The following ARID1B variants were observed in gnomAD, a reference collection of about 807,000 sequenced individuals.
ARID1B encodes AT-rich interactive domain-containing protein 1B.
Under a neutral mutation model 212.3 loss-of-function variants are expected in ARID1B, and 30 were observed. That is an observed-to-expected ratio of 0.14 (90% CI 0.11 to 0.19). ARID1B has a LOEUF of 0.19. Among genes scored for constraint, ARID1B ranks in the 10% least tolerant of loss-of-function variants. The pLI, the probability that ARID1B is intolerant of heterozygous loss-of-function variation, is 1.00. For missense variants in ARID1B, 2,891 were observed against 3,204.0 expected, an observed-to-expected ratio of 0.90 and a Z score of 2.36; for synonymous variants, 1,402 against 1,301.7, an observed-to-expected ratio of 1.08 and a Z score of -1.66.
chr6:156,814,952 A>G (rs565869049), intron 1 of ARID1B, among the ~76,000 whole-genome samples: 20 of 152,312 alleles, frequency 1.3e-4, no homozygotes, highest in East Asian at 3.9e-4. Context: ...TCAATTATCA[A>G]TAGACTATTA....
intron 9 of ARID1B, chr6:157,170,120 G>A (rs990402744): frequency 6.6e-6 from 1 of 152,166 alleles, no homozygotes; most frequent in Non-Finnish European, 1.5e-5. Flanking sequence ...GTGGGTCCAG[G>A]AATCCGCATC....
intron 4 of ARID1B, among the ~76,000 whole-genome samples, chr6:157,059,536 C>A (rs1409658729): frequency 1.3e-5 from 2 of 152,096 alleles, no homozygotes; most frequent in African/African-American, 4.8e-5. Flanking sequence ...TTATATTTTA[C>A]CAAAAGGTTT....
chr6:156,867,984 C>T (rs1196501254), intron 2 of ARID1B, among the ~76,000 whole-genome samples: 1 of 152,130 alleles, frequency 6.6e-6, no homozygotes, highest in Non-Finnish European at 1.5e-5. Flanking sequence ...TCCAAACTGT[C>T]CCAGTGCCTT....
intron 4 of ARID1B, among the ~76,000 whole-genome samples, chr6:157,020,136 C>T (rs1780133961): frequency 6.6e-6 from 1 of 152,128 alleles, no homozygotes; most frequent in South Asian, 2.1e-4. Context: ...ATAGACATAA[C>T]AAGCAAATTT....
At chr6:157,104,984 G>A (rs1211794998) in intron 5 of ARID1B, among the ~76,000 whole-genome samples, 1 of 152,228 alleles carries the variant, frequency 6.6e-6, no homozygotes, top group African/African-American at 2.4e-5. Context: ...TACTGGAACT[G>A]AAAATAGTGT....
At chr6:156,816,825 G>C (rs1450274963) in intron 1 of ARID1B, among the ~76,000 whole-genome samples, 1 of 152,144 alleles carries the variant, frequency 6.6e-6, no homozygotes, top group Non-Finnish European at 1.5e-5. Context: ...AACCTTGTTT[G>C]TTTGAATTTG....
chr6:157,179,450 G>A (rs983175809), intron 11 of ARID1B, among the ~76,000 whole-genome samples: 1 of 151,968 alleles, frequency 6.6e-6, no homozygotes, highest in Non-Finnish European at 1.5e-5. Context: ...TATTCTAAGT[G>A]TACATATGGG....
intron 1 of ARID1B, among the ~76,000 whole-genome samples, chr6:156,827,352 A>G (rs1274281562): frequency 1.3e-5 from 2 of 152,202 alleles, no homozygotes; most frequent in African/African-American, 4.8e-5. Flanking sequence ...TTGGTCTCCA[A>G]ATCCTGCCGC....
chr6:156,868,738 A>G (rs535430812), intron 2 of ARID1B, among the ~76,000 whole-genome samples: 4 of 152,368 alleles, frequency 2.6e-5, no homozygotes, highest in African/African-American at 7.2e-5. Flanking sequence ...AGGGACACAA[A>G]TGTTCAGACC....
chr6:156,949,037 C>A (rs968818554), intron 4 of ARID1B, among the ~76,000 whole-genome samples: 7 of 152,194 alleles, frequency 4.6e-5, no homozygotes, highest in Non-Finnish European at 8.8e-5. Flanking sequence ...ATTCAGGTGG[C>A]ATTGAGTCAC....
At chr6:156,827,861 A>G (rs1782859534) in intron 1 of ARID1B, among the ~76,000 whole-genome samples, 1 of 142,484 alleles carries the variant, frequency 7.0e-6, no homozygotes, top group African/African-American at 2.6e-5. Context: ...CCTGGGTTCA[A>G]GCGATTCTCC....
At chr6:156,840,220 C>T (rs976847264) in intron 2 of ARID1B, among the ~76,000 whole-genome samples, 1 of 152,188 alleles carries the variant, frequency 6.6e-6, no homozygotes, top group East Asian at 1.9e-4. Flanking sequence ...CTGTTCTGAC[C>T]TTTGCGTTTC....
At chr6:156,835,821 G>A (rs1783472384) in intron 2 of ARID1B, among the ~76,000 whole-genome samples, 1 of 151,914 alleles carries the variant, frequency 6.6e-6, no homozygotes. Context: ...GGCTCACTGC[G>A]GCCTTGACCT....
rs188970697 is a variant in ARID1B at position 157,105,937 on chromosome 6, A to G, written c.2492-4535A>G. The stretch of plus-strand genomic sequence containing the variant: ...ATTTTTTTAAACAGCAATACATTCT[A>G]TTAGTGAGGTTATGGAGAGACAGGC... On this transcript the variant is annotated intron_variant, in intron 5 of 19. Coordinates refer to ENST00000636930, the MANE Select transcript of ARID1B (RefSeq NM_001374828.1). Among the ~76,000 whole-genome samples the G allele has an allele frequency of 7.2e-5, 11 of 152,218 alleles. No individual in the cohort carries two copies. The East Asian group carries it at 1.7e-3, about 24-fold the overall frequency.
At chr6:156,788,571 A>C (rs184056300) in intron 1 of ARID1B, among the ~76,000 whole-genome samples, 1 of 152,226 alleles carries the variant, frequency 6.6e-6, no homozygotes, top group Admixed American at 6.5e-5. Context: ...AGTTGCAAAA[A>C]TTTAAAAGTA....
At chr6:156,963,918 G>T (rs1794569746) in intron 4 of ARID1B, among the ~76,000 whole-genome samples, 1 of 152,236 alleles carries the variant, frequency 6.6e-6, no homozygotes, top group South Asian at 2.1e-4. Flanking sequence ...TCTGGAAACG[G>T]TTTTCTGTTC....
At chr6:156,797,504 C>T (rs1780466686) in intron 1 of ARID1B, among the ~76,000 whole-genome samples, 1 of 152,178 alleles carries the variant, frequency 6.6e-6, no homozygotes, top group African/African-American at 2.4e-5. Context: ...TTGAAATGAC[C>T]AGTGGCAGCC....
chr6:156,841,484 C>T (rs1002909985), intron 2 of ARID1B, among the ~76,000 whole-genome samples: 2 of 152,096 alleles, frequency 1.3e-5, no homozygotes, highest in Non-Finnish European at 2.9e-5. Flanking sequence ...AAACTGTCAC[C>T]ATCACAATTG....
intron 1 of ARID1B, among the ~76,000 whole-genome samples, chr6:156,813,030 A>T (rs1781691438): frequency 1.4e-5 from 2 of 138,042 alleles, no homozygotes; most frequent in South Asian, 4.6e-4. Context: ...GTATGTATAT[A>T]CATATATATA....
Sources: gnomAD v4.1 joint callset for allele counts (sites outside exome capture counted in the v4.1 genomes callset) on GRCh38, gnomAD v4.1.1 for gene constraint, MANE v1.5 for transcripts, NCBI Gene and HGNC (gene_info 2026-07-23, HGNC 2026-07-21) for gene names.